The following REPS2 variants were observed in gnomAD, a reference collection of about 807,000 sequenced individuals.
REPS2 encodes the protein RALBP1 associated Eps domain containing 2.
Under a neutral mutation model 53.6 loss-of-function variants are expected in REPS2, and 23 were observed. That is an observed-to-expected ratio of 0.43 (90% CI 0.31 to 0.61). The LOEUF is 0.61. Among genes scored for constraint, REPS2 ranks in the 20% least tolerant of loss-of-function variants. The pLI is 0.11. For missense variants in REPS2, 446 were observed against 534.9 expected, an observed-to-expected ratio of 0.83 and a Z score of 1.64; for synonymous variants, 238 against 218.6, an observed-to-expected ratio of 1.09 and a Z score of -0.78.
intron 2 of REPS2, among the ~76,000 whole-genome samples, chrX:17,018,558 A>G (rs1254428611): frequency 3.9e-5 from 4 of 103,429 alleles, no homozygotes; most frequent in Admixed American, 2.1e-4. Context: ...ACCACACAGT[A>G]CCTGTCTTTT....
intron 1 of REPS2, among the ~76,000 whole-genome samples, chrX:16,965,893 C>T (rs895305418): frequency 3.3e-4 from 37 of 112,784 alleles, no homozygotes; most frequent in Admixed American, 2.8e-3. Context: ...GGGTCACTCG[C>T]GGTTAGGAGC....
At chrX:17,065,343 G>A (rs1341667614) in intron 9 of REPS2, among the ~76,000 whole-genome samples, 2 of 112,266 alleles carry the variant, frequency 1.8e-5, no homozygotes, top group Non-Finnish European at 3.8e-5. Context: ...TCTCATTGTG[G>A]TTTTGATTTG....
the REPS2 span, among the ~76,000 whole-genome samples, chrX:17,189,648 C>CCTCT: frequency 1.1e-4 from 12 of 105,470 alleles, no homozygotes; most frequent in East Asian, 3.0e-4. Context: ...TCCTCTCTCT[C>CCTCT]CTCTCTCTCT....
At chrX:16,962,846 G>T (rs1474580719) in intron 1 of REPS2, among the ~76,000 whole-genome samples, 1 of 112,503 alleles carries the variant, frequency 8.9e-6, no homozygotes, top group African/African-American at 3.2e-5. Context: ...TGTAATACCA[G>T]CATTTTGGGA....
the REPS2 span, among the ~76,000 whole-genome samples, chrX:17,160,369 T>A: frequency 8.9e-6 from 1 of 112,465 alleles, no homozygotes; most frequent in Non-Finnish European, 1.9e-5. Flanking sequence ...GACTCACAGA[T>A]TCTCACAATC....
At chrX:17,155,806 C>T (rs1481084967), downstream of REPS2, among the ~76,000 whole-genome samples, 1 of 111,885 alleles carries the variant, frequency 8.9e-6, no homozygotes, top group Non-Finnish European at 1.9e-5. Flanking sequence ...AGTGACTAAA[C>T]CCTGGTAAGC....
chrX:16,968,499 G>T (rs2060812164), intron 1 of REPS2, among the ~76,000 whole-genome samples: 1 of 107,564 alleles, frequency 9.3e-6, no homozygotes, highest in Admixed American at 9.6e-5. Context: ...TCCCGGACGG[G>T]GCGGCTGGCC....
chrX:17,034,879 G>A (rs967365711), intron 5 of REPS2, among the ~76,000 whole-genome samples: 1 of 111,560 alleles, frequency 9.0e-6, no homozygotes, highest in African/African-American at 3.3e-5. Flanking sequence ...TAATGATCAG[G>A]TAGGGGAGGG....
intron 8 of REPS2, among the ~76,000 whole-genome samples, chrX:17,057,962 C>T (rs771749990): frequency 4.5e-4 from 50 of 112,334 alleles, no homozygotes; most frequent in African/African-American, 1.6e-3. Flanking sequence ...TCGCCGTGTC[C>T]TCTTTCAAGC....
At chrX:17,012,015 A>G (rs932407024) in intron 2 of REPS2, among the ~76,000 whole-genome samples, 2 of 110,108 alleles carry the variant, frequency 1.8e-5, no homozygotes, top group Non-Finnish European at 3.8e-5. Flanking sequence ...TTATTAATGC[A>G]TTAAATAAAG....
the REPS2 span, among the ~76,000 whole-genome samples, chrX:17,176,265 C>G: frequency 1.8e-5 from 2 of 111,865 alleles, no homozygotes; most frequent in African/African-American, 6.5e-5. Flanking sequence ...GCTTGGCCTC[C>G]TTCCCTTCTC....
At chrX:17,007,582 C>T (rs1324925111) in intron 2 of REPS2, among the ~76,000 whole-genome samples, 2 of 111,893 alleles carry the variant, frequency 1.8e-5, no homozygotes, top group East Asian at 2.8e-4. Context: ...TTCCCATAAT[C>T]GCCACACCAG....
rs1364636804 is a variant in REPS2 at position 17,018,607 on chromosome X, T to C, written c.398-3516T>C. ...TTTCACTTCTTTCTTTCTTTCTTTT[T>C]TTTTTTTTTTAATGTGGCTCACATT... On this transcript the variant is annotated intron_variant, in intron 2 of 17. Transcript: ENST00000357277. Among the ~76,000 whole-genome samples the C allele has an allele frequency of 2.4e-4, 26 of 107,856 alleles. No homozygotes were observed. The South Asian group carries it at 3.7e-3, about 16-fold the overall frequency. The allele number at this position is 107,856 out of a possible 115,157, so 93.7% of individuals were successfully genotyped here. A position where few individuals can be genotyped will look rare whatever the true frequency, so the allele number is the denominator to read the frequency against.
chrX:17,027,285 T>C, intron 4 of REPS2, among the ~76,000 whole-genome samples: 1 of 112,436 alleles, frequency 8.9e-6, no homozygotes, highest in Non-Finnish European at 1.9e-5. Flanking sequence ...GAACTTCATA[T>C]GAATGAAAAC....
the REPS2 span, among the ~76,000 whole-genome samples, chrX:17,159,671 CAGTGCCTAGTA>C: frequency 9.0e-6 from 1 of 111,547 alleles, no homozygotes; most frequent in Non-Finnish European, 1.9e-5. Flanking sequence ...TCACTTAAAA[CAGTGCCTAGTA>C]AGTGCTAGAC....
intron 13 of REPS2, among the ~76,000 whole-genome samples, chrX:17,084,396 TTTCTC>T (rs1278823815): frequency 8.9e-6 from 1 of 112,454 alleles, no homozygotes; most frequent in East Asian, 2.8e-4. Context: ...ATATTTTTTC[TTTCTC>T]TTGAGTATAT....
At chrX:17,159,365 A>C in the REPS2 span, among the ~76,000 whole-genome samples, 1 of 111,603 alleles carries the variant, frequency 9.0e-6, no homozygotes, top group Non-Finnish European at 1.9e-5. Flanking sequence ...CCTTCTTCCA[A>C]GCACCACTCT....
At chrX:17,143,109 A>G (rs1319501735) in intron 17 of REPS2, among the ~76,000 whole-genome samples, 1 of 111,685 alleles carries the variant, frequency 9.0e-6, no homozygotes. Flanking sequence ...CATTCTTGAA[A>G]AGGTAAAACT....
rs1018169302 is a variant in REPS2 at position 16,989,110 on chromosome X, C to T, written c.274-17111C>T. Among the ~76,000 whole-genome samples the T allele has an allele frequency of 1.9e-4, 21 of 110,900 alleles. 1 individual carries two copies. The highest frequency in any genetic ancestry group is 7.6e-5 in the Non-Finnish European group (4 of 52,935). On this transcript the variant is annotated intron_variant, in intron 1 of 17. Coordinates refer to ENST00000357277, the MANE Select transcript of REPS2 (RefSeq NM_004726.3). Reference sequence around the variant, plus strand: ...GTGGAGGGATACATGTATAGATCAACGGAACAGAACAAAGAACCTAGAAAT... The same window carrying T: ...GTGGAGGGATACATGTATAGATCAATGGAACAGAACAAAGAACCTAGAAAT...
Sources: allele counts gnomAD v4.1 joint callset (sites outside exome capture counted in the v4.1 genomes callset), GRCh38; gene constraint gnomAD v4.1.1; transcripts MANE v1.5; gene names NCBI Gene and HGNC (gene_info 2026-07-23, HGNC 2026-07-21).